Variants in TCF4 observed in about 807,000 individuals in gnomAD.
The protein encoded by TCF4 is SL3-3 enhancer factor 2.
A neutral mutation model predicts 82.1 loss-of-function variants in TCF4; 3 were observed. The ratio of observed to expected loss-of-function variants is 0.04; its 90% CI spans 0.02 to 0.09. The LOEUF is 0.09. TCF4 is among the 10% of genes least tolerant of loss of function. The pLI is 1.00. For synonymous variants in TCF4, 276 were observed against 309.6 expected (o/e 0.89, Z 1.14); for missense variants, 518 against 852.7 (o/e 0.61, Z 4.89).
intron 8 of TCF4, among the ~76,000 whole-genome samples, chr18:55,339,080 C>T (rs888384318): frequency 2.0e-5 from 3 of 152,074 alleles, no homozygotes; most frequent in Non-Finnish European, 2.9e-5. Flanking sequence ...GCTTTCCTGT[C>T]TGTTTAAAAA....
intron 8 of TCF4, among the ~76,000 whole-genome samples, chr18:55,291,877 G>C (rs1175186934): frequency 6.6e-6 from 1 of 152,216 alleles, no homozygotes; most frequent in Non-Finnish European, 1.5e-5. Flanking sequence ...GGAGATTTAT[G>C]AAGTACAATA....
intron 17 of TCF4, chr18:55,229,308 G>T: frequency 1.8e-6 from 1 of 555,266 alleles, no homozygotes; most frequent in Non-Finnish European, 3.2e-6. Flanking sequence ...AAACAGGTGA[G>T]GGTGACGTAG....
At chr18:55,621,963 C>CTATATAT (rs1232041689) in intron 2 of TCF4, among the ~76,000 whole-genome samples, 11 of 120,158 alleles carry the variant, frequency 9.2e-5, no homozygotes, top group African/African-American at 3.0e-4. Flanking sequence ...TATATATACA[C>CTATATAT]TATATATTAT....
At chr18:55,578,614 A>C (rs2097549679) in intron 3 of TCF4, among the ~76,000 whole-genome samples, 1 of 152,112 alleles carries the variant, frequency 6.6e-6, no homozygotes, top group Non-Finnish European at 1.5e-5. Context: ...TACTTGGATC[A>C]AAGAGACATT....
At position 55,457,290 on chromosome 18, in the gene TCF4, G is replaced by A. The variant is rs115255283; in HGVS notation, c.304+3729C>T. Among the ~76,000 whole-genome samples the A allele has an allele frequency of 5.8e-3, 877 of 152,262 alleles. 16 individuals carry two copies. The highest frequency in any genetic ancestry group is 0.02 in the African/African-American group (842 of 41,546). Reference sequence around the variant, plus strand: ...AACTATAACCACAGACAGGAATACAGAACAATCTTATAAACCAAGAAACGT... The same window carrying A: ...AACTATAACCACAGACAGGAATACAAAACAATCTTATAAACCAAGAAACGT... On this transcript the variant is annotated intron_variant, in intron 5 of 19. Transcript: ENST00000354452.
In TCF4 at chr18:55,450,695, C is replaced by T. The variant is rs552539103; in HGVS notation, c.304+10324G>A. ...AGAGGCAACATTCTATACCAAGCAT[C>T]TGTGGAGAAGAAAGAAATGAAGTGG... On this transcript the variant is annotated intron_variant, in intron 5 of 19. Coordinates refer to ENST00000354452, the MANE Select transcript of TCF4 (RefSeq NM_001083962.2). 5.3e-5 allele frequency among the ~76,000 whole-genome samples: 8 copies of T among 152,300 alleles called. No homozygotes were observed. The East Asian group carries it at 1.5e-3, about 29-fold the overall frequency.
intron 6 of TCF4, among the ~76,000 whole-genome samples, chr18:55,371,725 C>T (rs2089253789): frequency 6.6e-6 from 1 of 152,114 alleles, no homozygotes; most frequent in South Asian, 2.1e-4. Context: ...ACGCCTCTCC[C>T]CAGGTTCCTC....
At chr18:55,624,300 T>C (rs1265330278) in intron 2 of TCF4, among the ~76,000 whole-genome samples, 1 of 151,908 alleles carries the variant, frequency 6.6e-6, no homozygotes, top group Non-Finnish European at 1.5e-5. Context: ...CAGTTTTTAC[T>C]GCAAGGTAGA....
rs1458406504 is a variant in TCF4 at position 55,227,285 on chromosome 18, CT to C, written c.*749del. On this transcript the variant is annotated 3_prime_UTR_variant, in exon 20 of 20. Transcript: ENST00000354452. ...AATCCATATTTACAGTAAAATCTTT[CT>C]TTTAAAAAAGTTAATCAGTACTATT... 1 of 150,842 alleles carries C rather than the reference CT, an allele frequency of 6.6e-6. No individual in the cohort carries two copies. The highest frequency in any genetic ancestry group is 2.4e-5 in the African/African-American group (1 of 41,044). 9.3% of individuals were successfully genotyped at this position (150,842 alleles called of 1,614,324 possible). A position where few individuals can be genotyped will look rare whatever the true frequency, so the allele number is the denominator to read the frequency against.
intron 6 of TCF4, among the ~76,000 whole-genome samples, chr18:55,376,370 T>C (rs2090750965): frequency 6.6e-6 from 1 of 152,168 alleles, no homozygotes; most frequent in African/African-American, 2.4e-5. Flanking sequence ...GAAAATACTA[T>C]GCAGTTTTAT....
intron 2 of TCF4, among the ~76,000 whole-genome samples, chr18:55,622,232 G>A (rs2097721989): frequency 6.6e-6 from 1 of 150,860 alleles, no homozygotes; most frequent in African/African-American, 2.4e-5. Flanking sequence ...ACTGTGGCCG[G>A]GAGTGGTGGA....
chr18:55,584,032 A>T (rs2097606416), intron 3 of TCF4, among the ~76,000 whole-genome samples: 1 of 152,156 alleles, frequency 6.6e-6, no homozygotes, highest in South Asian at 2.1e-4. Context: ...ACTAAAATAA[A>T]AATACAAGAA....
chr18:55,262,148 A>C (rs926104069), intron 11 of TCF4, among the ~76,000 whole-genome samples: 1 of 152,246 alleles, frequency 6.6e-6, no homozygotes, highest in Non-Finnish European at 1.5e-5. Context: ...CTAAAAGTCA[A>C]TATGGCCTCG....
intron 2 of TCF4, among the ~76,000 whole-genome samples, chr18:55,618,383 G>A (rs1163851747): frequency 6.6e-6 from 1 of 151,890 alleles, no homozygotes; most frequent in Non-Finnish European, 1.5e-5. Context: ...CCAATTTGTT[G>A]ATATATACTT....
At chr18:55,430,391 C>A (rs1393388642) in intron 5 of TCF4, among the ~76,000 whole-genome samples, 1 of 152,206 alleles carries the variant, frequency 6.6e-6, no homozygotes, top group East Asian at 1.9e-4. Flanking sequence ...CCAATAATTT[C>A]CAAGTTTTCC....
intron 3 of TCF4, among the ~76,000 whole-genome samples, chr18:55,464,847 A>C (rs775764436): frequency 7.9e-5 from 12 of 152,214 alleles, no homozygotes; most frequent in African/African-American, 1.2e-4. Flanking sequence ...GACAGTGAAA[A>C]GACCTACATG....
At position 55,373,899 on chromosome 18, in the gene TCF4, T is replaced by C. The variant is rs548156979; in HGVS notation, c.370-22896A>G. ...AAATGCTTAAAAAAAACTAAGCATT[T>C]TTAAAAATCCTACTAGATTACCCCC... is the stretch of plus-strand genomic sequence containing the variant. On this transcript the variant is annotated intron_variant, in intron 6 of 19. Coordinates refer to ENST00000354452, the MANE Select transcript of TCF4 (RefSeq NM_001083962.2). Among the ~76,000 whole-genome samples, 312 of 152,118 alleles carry C rather than the reference T, an allele frequency of 2.1e-3. 4 individuals are homozygous for C. The highest frequency in any genetic ancestry group is 7.3e-3 in the African/African-American group (304 of 41,494).
At chr18:55,460,656 A>T (rs1163958463) in intron 5 of TCF4, among the ~76,000 whole-genome samples, 1 of 152,200 alleles carries the variant, frequency 6.6e-6, no homozygotes, top group Non-Finnish European at 1.5e-5. Flanking sequence ...CTGCCAACCA[A>T]CAAGCCCAGT....
chr18:55,451,946 C>CAGTG (rs2095632196), intron 5 of TCF4, among the ~76,000 whole-genome samples: 2 of 152,282 alleles, frequency 1.3e-5, no homozygotes, highest in South Asian at 4.2e-4. Context: ...TTTGAAGATG[C>CAGTG]AGTGAGCTAT....
Sources: allele counts gnomAD v4.1 joint callset (sites outside exome capture counted in the v4.1 genomes callset), GRCh38; gene constraint gnomAD v4.1.1; transcripts MANE v1.5; gene names NCBI Gene and HGNC (gene_info 2026-07-23, HGNC 2026-07-21).